Variants in ARMH4 observed in about 807,000 individuals in gnomAD.
ARMH4 encodes armadillo like helical domain containing 4.
A neutral mutation model predicts 61.9 loss-of-function variants in ARMH4; 49 were observed. The observed-to-expected ratio is 0.79, with a 90% CI of 0.63 to 1.00. The LOEUF (loss-of-function observed/expected upper bound fraction) is 1.00, where lower values mean the gene tolerates loss of function less well. Ranked by LOEUF, ARMH4 falls within the 50% of genes least tolerant of loss-of-function variation. The pLI, the probability that ARMH4 is intolerant of heterozygous loss-of-function variation, is 0.00. For missense variants in ARMH4, 934 were observed against 930.0 expected, an observed-to-expected ratio of 1.00 and a Z score of -0.06; for synonymous variants, 368 against 341.5, an observed-to-expected ratio of 1.08 and a Z score of -0.85.
chr14:58,035,448 G>A (rs1883443700), intron 5 of ARMH4, among the ~76,000 whole-genome samples: 7 of 91,210 alleles, frequency 7.7e-5, no homozygotes, highest in African/African-American at 2.9e-4. Flanking sequence ...GAGAAAGCAG[G>A]AAAGATCCAA....
chr14:58,147,025 G>T (rs1887755044), intron 1 of ARMH4, among the ~76,000 whole-genome samples: 2 of 152,190 alleles, frequency 1.3e-5, no homozygotes, highest in Non-Finnish European at 1.5e-5. Context: ...ACTACAGAGA[G>T]CTGCTATGGG....
intron 4 of ARMH4, among the ~76,000 whole-genome samples, chr14:58,108,807 A>G (rs1186437773): frequency 6.6e-6 from 1 of 152,214 alleles, no homozygotes; most frequent in Non-Finnish European, 1.5e-5. Flanking sequence ...CAACATCCTA[A>G]TGTCTAGATA....
At chr14:58,092,876 C>A (rs1315721424) in intron 5 of ARMH4, among the ~76,000 whole-genome samples, 1 of 150,742 alleles carries the variant, frequency 6.6e-6, no homozygotes, top group East Asian at 1.9e-4. Context: ...AATACAGTGG[C>A]ATAATCATGG....
chr14:58,131,765 T>A (rs1887118010), intron 3 of ARMH4, 44 bp from the exon 4 acceptor site: 2 of 1,557,668 alleles, frequency 1.3e-6, no homozygotes, highest in African/African-American at 2.7e-5. Flanking sequence ...AGATAATCAT[T>A]ATGGCAAATG....
At chr14:58,115,311 CTT>C (rs768597767) in intron 4 of ARMH4, among the ~76,000 whole-genome samples, 11 of 152,058 alleles carry the variant, frequency 7.2e-5, no homozygotes, top group Non-Finnish European at 1.5e-4. Flanking sequence ...CAAAAGAAGA[CTT>C]ATGAAAAAAT....
At chr14:58,007,364 C>T (rs1201071306) in intron 6 of ARMH4, among the ~76,000 whole-genome samples, 2 of 152,100 alleles carry the variant, frequency 1.3e-5, no homozygotes, top group Non-Finnish European at 2.9e-5. Flanking sequence ...TGTAAATTGA[C>T]ATATAAAACT....
intron 4 of ARMH4, among the ~76,000 whole-genome samples, chr14:58,104,452 T>A (rs539090516): frequency 6.6e-6 from 1 of 152,334 alleles, no homozygotes; most frequent in South Asian, 2.1e-4. Context: ...TTGGTAACTG[T>A]GTGGAAAAGA....
intron 5 of ARMH4, among the ~76,000 whole-genome samples, chr14:58,013,851 C>T (rs1445578316): frequency 6.6e-6 from 1 of 151,972 alleles, no homozygotes; most frequent in Non-Finnish European, 1.5e-5. Flanking sequence ...TGGTGAAACC[C>T]CGTCTCTACT....
chr14:58,049,766 C>T (rs1009301408), intron 5 of ARMH4, among the ~76,000 whole-genome samples: 3 of 152,172 alleles, frequency 2.0e-5, no homozygotes, highest in African/African-American at 7.2e-5. Flanking sequence ...TTTACTGCTA[C>T]TGAAACTCAG....
chr14:58,095,334 C>T (rs965570011), intron 5 of ARMH4, among the ~76,000 whole-genome samples: 2 of 152,160 alleles, frequency 1.3e-5, no homozygotes, highest in East Asian at 1.9e-4. Context: ...AGTCACTTTA[C>T]GTGTAGATTT....
Position 58,138,550 on chromosome 14 carries a change from G to C in ARMH4, c.809C>G (p.Thr270Ser), listed in dbSNP as rs1335892635. The C allele has an allele frequency of 1.2e-6, 2 of 1,614,112 alleles. No homozygotes were observed. The highest frequency in any genetic ancestry group is 1.7e-6 in the Non-Finnish European group (2 of 1,180,040). The change falls in exon 2 of 8, where the codon ACC (threonine) becomes AGC (serine). Residue 270 changes from threonine (T) to serine (S), a missense_variant. Thr to Ser is a moderately conservative substitution (Grantham distance 58, BLOSUM62 1). Coordinates refer to ENST00000267485, the MANE Select transcript of ARMH4 (RefSeq NM_001001872.4). ...MTADNTQAAA[T>S]KQPLETSEYT... The stretch of plus-strand genomic sequence containing the variant: ...CTCGGAAGTTTCGAGTGGTTGCTTG[G>C]TGGCAGCAGCCTGGGTGTTATCAGC...
intron 2 of ARMH4, among the ~76,000 whole-genome samples, chr14:58,133,609 G>A (rs1268435852): frequency 6.6e-6 from 1 of 152,156 alleles, no homozygotes; most frequent in African/African-American, 2.4e-5. Flanking sequence ...AAGATCAATT[G>A]CTGAGCTCCC....
intron 4 of ARMH4, among the ~76,000 whole-genome samples, chr14:58,107,107 A>G (rs1886188190): frequency 6.6e-6 from 1 of 152,230 alleles, no homozygotes; most frequent in African/African-American, 2.4e-5. Context: ...AAAGGTGCTC[A>G]GTTTCTCTAA....
At chr14:58,092,657 C>T (rs533629542) in intron 5 of ARMH4, among the ~76,000 whole-genome samples, 2 of 152,250 alleles carry the variant, frequency 1.3e-5, no homozygotes, top group East Asian at 3.9e-4. Flanking sequence ...GACAGCATTC[C>T]TTGGCTGATG....
intron 1 of ARMH4, 124 bp from the exon 2 acceptor site, chr14:58,139,538 G>C (rs892261703): frequency 1.6e-6 from 1 of 626,450 alleles, no homozygotes; most frequent in African/African-American, 1.8e-5. Context: ...GTAGGTAGGA[G>C]AGGACTGTTC....
chr14:58,075,644 C>T (rs964642602), intron 5 of ARMH4, among the ~76,000 whole-genome samples: 1 of 152,210 alleles, frequency 6.6e-6, no homozygotes, highest in South Asian at 2.1e-4. Context: ...GGAGAAATAC[C>T]TAATGTAGAT....
chr14:58,144,079 G>C (rs1320351722), intron 1 of ARMH4, among the ~76,000 whole-genome samples: 1 of 152,060 alleles, frequency 6.6e-6, no homozygotes, highest in Non-Finnish European at 1.5e-5. Context: ...TGGCCACACT[G>C]TTCTTTTTAA....
rs374588899 is a variant in ARMH4, at chr14:58,092,821, GT to G, written c.2089+3902del. Among the ~76,000 whole-genome samples, 1,325 of 143,036 alleles carry G rather than the reference GT, an allele frequency of 9.3e-3. 18 individuals carry two copies. Among genetic ancestry groups the G allele is most frequent in the African/African-American group, 0.03 (1,160 of 38,756 alleles). 93.8% of individuals were successfully genotyped at this position (143,036 alleles called of 152,430 possible). On this transcript the variant is annotated intron_variant, in intron 5 of 7. Transcript: ENST00000267485. Reference sequence around the variant, plus strand: ...CCAATTTAAAGATCCTTCCCTTTTTGTTTTTTTTTTTTTAGACAGGGTCTTA... The same window carrying G: ...CCAATTTAAAGATCCTTCCCTTTTTGTTTTTTTTTTTTAGACAGGGTCTTA...
chr14:58,074,764 T>C lies in ARMH4; in HGVS notation c.2089+21960A>G, dbSNP rs116617018. ...ATTAGGAAGTGAAGAGTTTTGAGCA[T>C]ATGAAAATATTGTAATATAATTTAT... On this transcript the variant is annotated intron_variant, in intron 5 of 7. Coordinates refer to ENST00000267485, the MANE Select transcript of ARMH4 (RefSeq NM_001001872.4). Among the ~76,000 whole-genome samples, 124 of 152,334 alleles carry C rather than the reference T, an allele frequency of 8.1e-4. 4 individuals are homozygous for C. The South Asian group carries it at 0.024, about 29-fold the overall frequency.
Sources: allele counts gnomAD v4.1 joint callset (sites outside exome capture counted in the v4.1 genomes callset), GRCh38; gene constraint gnomAD v4.1.1; transcripts MANE v1.5; gene names NCBI Gene and HGNC (gene_info 2026-07-23, HGNC 2026-07-21).